CEP41: variants seen among roughly 807,000 people sequenced by gnomAD.
CEP41 encodes centrosomal protein 41, also known as centrosomal protein of 41 kDa.
A neutral mutation model predicts 44.3 loss-of-function variants in CEP41; 32 were observed. The observed-to-expected ratio is 0.72, with a 90% CI of 0.54 to 0.97. The LOEUF is 0.97. Ranked by LOEUF, CEP41 falls within the 50% of genes least tolerant of loss-of-function variation. The pLI, the probability that CEP41 is intolerant of heterozygous loss-of-function variation, is 0.00. For missense variants in CEP41, 432 were observed against 455.2 expected (o/e 0.95, Z 0.46); for synonymous variants, 151 against 168.5 (o/e 0.90, Z 0.80).
chr7:130,433,706 T>G (rs1316840107), intron 1 of CEP41, among the ~76,000 whole-genome samples: 6 of 152,240 alleles, frequency 3.9e-5, no homozygotes, highest in African/African-American at 1.4e-4. Context: ...CTGGGAAGAT[T>G]CCTCTGAAGG....
chr7:130,421,684 A>G, intron 2 of CEP41: 1 of 1,120,876 alleles, frequency 8.9e-7, no homozygotes, highest in Non-Finnish European at 1.1e-6. Flanking sequence ...AAATAAGGCT[A>G]GAAAAGACTG....
intron 5 of CEP41, among the ~76,000 whole-genome samples, chr7:130,410,366 G>T (rs1245127010): frequency 6.6e-6 from 1 of 152,050 alleles, no homozygotes; most frequent in African/African-American, 2.4e-5. Flanking sequence ...CTAACTGGAA[G>T]TGTCTTTCCT....
chr7:130,440,537 T>C, intron 1 of CEP41: 1 of 407,392 alleles, frequency 2.5e-6, no homozygotes, highest in Non-Finnish European at 4.6e-6. Context: ...AGCTTACTCC[T>C]GCTCTTCCTG....
chr7:130,399,181 A>C, intron 10 of CEP41, 142 bp from the exon 11 acceptor site: 1 of 971,998 alleles, frequency 1.0e-6, no homozygotes. Flanking sequence ...ACTTTAGGCC[A>C]ACGATGGCCT....
chr7:130,403,355 G>A (rs1342313608), intron 6 of CEP41, among the ~76,000 whole-genome samples: 2 of 152,160 alleles, frequency 1.3e-5, no homozygotes, highest in African/African-American at 2.4e-5. Flanking sequence ...TGAGGTTGAC[G>A]AGGCTTTAGA....
rs531540823 is a variant in CEP41, at chr7:130,425,755, T to C, written c.97+2200A>G. Among the ~76,000 whole-genome samples, 5 of 152,388 alleles carry C rather than the reference T, an allele frequency of 3.3e-5. No homozygotes were observed. In the East Asian group the frequency reaches 9.6e-4, roughly 29 times the overall value. On this transcript the variant is annotated intron_variant, in intron 2 of 10. Transcript: ENST00000223208. ...CCAAAAAGTGGAAACAACCCCGATG[T>C]CCTTCAACAGGTGAATGGTTAAACT...
chr7:130,407,289 C>CAT (rs2117586766), intron 5 of CEP41, among the ~76,000 whole-genome samples: 1 of 151,594 alleles, frequency 6.6e-6, no homozygotes, highest in East Asian at 1.9e-4. Flanking sequence ...CACACACACA[C>CAT]ACACACACTC....
chr7:130,430,274 T>A (rs1399312875), intron 1 of CEP41, among the ~76,000 whole-genome samples: 1 of 152,004 alleles, frequency 6.6e-6, no homozygotes, highest in African/African-American at 2.4e-5. Flanking sequence ...TATTTTAACA[T>A]CTAAGGGGAA....
chr7:130,419,664 T>C, intron 2 of CEP41: 1 of 985,264 alleles, frequency 1.0e-6, no homozygotes, highest in Non-Finnish European at 1.2e-6. Context: ...AAAAAGTCAG[T>C]GGCTCCCCAT....
At chr7:130,402,544 T>C (rs1554417215) in intron 7 of CEP41, 104 bp downstream of exon 7, 1 of 1,255,396 alleles carries the variant, frequency 8.0e-7, no homozygotes, top group African/African-American at 1.5e-5. Context: ...TAACATACGG[T>C]TTCCTCAACT....
In CEP41 at chr7:130,398,619, TAC is replaced by T. The variant is rs1554415934; in HGVS notation, c.*270_*271del. 1.6e-6 allele frequency: 1 copy of T among 631,154 alleles called. No homozygotes were observed. The allele number at this position is 631,154 out of a possible 1,614,324, so 39.1% of individuals were successfully genotyped here. A position where few individuals can be genotyped will look rare whatever the true frequency, so the allele number is the denominator to read the frequency against. ...TAAAAACGTAGATACTTTTTTCCTA[TAC>T]AGTTTCACAAGACTTAAATATGCTG... On this transcript the variant is annotated 3_prime_UTR_variant, in exon 11 of 11. Transcript: ENST00000223208.
At chr7:130,420,304 G>A (rs187872518) in intron 2 of CEP41, 9 of 144,670 alleles carry the variant, frequency 6.2e-5, no homozygotes, top group African/African-American at 1.8e-4. Flanking sequence ...ACTACAATGC[G>A]GGTGACAGAG....
At chr7:130,421,940 T>A (rs1382633483) in intron 2 of CEP41, 8 of 1,535,598 alleles carry the variant, frequency 5.2e-6, no homozygotes, top group Non-Finnish European at 7.0e-6. Context: ...AGGGATTTCA[T>A]CAGAAGCATA....
chr7:130,402,537 C>T, intron 7 of CEP41, 111 bp downstream of exon 7: 4 of 1,175,306 alleles, frequency 3.4e-6, no homozygotes, highest in Admixed American at 1.7e-5. Context: ...ATCCAGCTAA[C>T]ATACGGTTTC....
chr7:130,399,182 A>T, intron 10 of CEP41, 143 bp from the exon 11 acceptor site: 1 of 908,008 alleles, frequency 1.1e-6, no homozygotes, highest in Non-Finnish European at 1.7e-6. Context: ...CTTTAGGCCA[A>T]CGATGGCCTA....
chr7:130,426,218 A>G (rs2117666640), intron 2 of CEP41, among the ~76,000 whole-genome samples: 1 of 152,378 alleles, frequency 6.6e-6, no homozygotes, highest in East Asian at 1.9e-4. Context: ...TTATGTTAAA[A>G]TTAAAAGTTT....
chr7:130,419,701 T>C (rs1252270003), intron 2 of CEP41: 2 of 985,262 alleles, frequency 2.0e-6, no homozygotes, highest in African/African-American at 3.5e-5. Context: ...CTGAAACTCC[T>C]TGCTCTAGCA....
chr7:130,404,561 T>C lies in CEP41; in HGVS notation c.422+3A>G. ...AGTGAAAATATGAATCAGCTTCGAG[T>C]ACCTCTGAAGAGTTGAGCGGCTGGA... is the stretch of plus-strand genomic sequence containing the variant. On this transcript the variant is annotated splice_donor_region_variant and intron_variant, in intron 6 of 10. Coordinates refer to ENST00000223208, the MANE Select transcript of CEP41 (RefSeq NM_018718.3). 6.2e-7 allele frequency: 1 copy of C among 1,612,238 alleles called. No homozygotes were observed. Among genetic ancestry groups the C allele is most frequent in the Non-Finnish European group, 8.5e-7 (1 of 1,178,284 alleles).
At position 130,399,009 on chromosome 7, in the gene CEP41, C is replaced by T. The variant is rs782672149; in HGVS notation, c.1004G>A (p.Arg335Lys). The T allele has an allele frequency of 4.1e-5, 66 of 1,614,058 alleles. No homozygotes were observed. The Middle Eastern group carries it at 3.6e-3, about 88-fold the overall frequency. Residue 335 changes from arginine (R) to lysine (K), a missense_variant, in exon 11 of 11, where the codon AGA becomes AAA. By Grantham distance (26) the Arg-to-Lys change is conservative. Coordinates refer to ENST00000223208, the MANE Select transcript of CEP41 (RefSeq NM_018718.3). ...TCGGGCACCAGGCACCTTGGACTCT[C>T]TTCCGGAGGAGTTAGCTTGGTTCAG... ...SRLNQANSSG[R>K]ESKVPGARSA...
Sources: gnomAD v4.1 joint callset for allele counts (sites outside exome capture counted in the v4.1 genomes callset) on GRCh38, gnomAD v4.1.1 for gene constraint, MANE v1.5 for transcripts, NCBI Gene and HGNC (gene_info 2026-07-23, HGNC 2026-07-21) for gene names.